Variants in CAND2 observed in about 807,000 individuals in gnomAD.
The protein encoded by CAND2 is cullin-associated NEDD8-dissociated protein 2.
A neutral mutation model predicts 98.9 loss-of-function variants in CAND2; 62 were observed. The observed-to-expected ratio is 0.63, with a 90% CI of 0.51 to 0.77. The LOEUF is 0.77. CAND2 is among the 30% of genes least tolerant of loss of function. CAND2 has a pLI of 0.00. For missense variants in CAND2, 1,501 were observed against 1,655.2 expected, an observed-to-expected ratio of 0.91 and a Z score of 1.62; for synonymous variants, 770 against 731.9, an observed-to-expected ratio of 1.05 and a Z score of -0.84.
At position 12,807,276 on chromosome 3, in the gene CAND2, C is replaced by A. The variant is rs1281176774; in HGVS notation, c.213-30C>A. ...CCTGACTCAGGCTGAACCTTGTGCCCTTGGATTCACCTTCCCACTCCCTGC... is the reference window on the plus strand; with the variant it reads ...CCTGACTCAGGCTGAACCTTGTGCCATTGGATTCACCTTCCCACTCCCTGC... On this transcript the variant is annotated intron_variant, in intron 2 of 14. Coordinates refer to ENST00000456430, the MANE Select transcript of CAND2 (RefSeq NM_001162499.2). 1.9e-6 allele frequency: 3 copies of A among 1,546,140 alleles called. No individual in the cohort carries two copies. The Admixed American group carries it at 5.9e-5, about 30-fold the overall frequency.
intron 2 of CAND2, 127 bp from the exon 3 acceptor site, chr3:12,807,179 C>A: frequency 1.3e-6 from 1 of 798,102 alleles, no homozygotes; most frequent in Non-Finnish European, 1.9e-6. Flanking sequence ...CAAACAGGGG[C>A]TCCCCTGATG....
chr3:12,826,934 A>C (rs1024811891), intron 12 of CAND2, among the ~76,000 whole-genome samples: 9 of 149,648 alleles, frequency 6.0e-5, no homozygotes. Context: ...TGGTTCAAGC[A>C]ATTCTCCTGC....
intron 5 of CAND2, among the ~76,000 whole-genome samples, chr3:12,811,986 A>G (rs1387055177): frequency 1.3e-5 from 2 of 150,404 alleles, no homozygotes; most frequent in Non-Finnish European, 3.0e-5. Flanking sequence ...ATCTCTGCTC[A>G]CTGTAACCTC....
rs890223748 is a variant in CAND2 at position 12,815,573 on chromosome 3, G to A, written c.1299+140G>A. The A allele has an allele frequency of 1.2e-5, 11 of 945,694 alleles. 1 individual carries two copies. Among genetic ancestry groups the A allele is most frequent in the South Asian group, 5.2e-5 (3 of 57,664 alleles). 58.6% of individuals were successfully genotyped at this position (945,694 alleles called of 1,614,324 possible). ...GGAAGGGGTCCCTGGGGTGGGGGGC[G>A]GGAGCCAGCCAGGCTTCTGGAGTGT... On this transcript the variant is annotated intron_variant, in intron 8 of 14. Coordinates refer to ENST00000456430, the MANE Select transcript of CAND2 (RefSeq NM_001162499.2). This position sits in a 1 kb window ranked among gnomAD's most constrained non-coding sequence, Gnocchi z 5.7.
intron 11 of CAND2, among the ~76,000 whole-genome samples, chr3:12,822,565 C>G (rs1003750533): frequency 6.6e-6 from 1 of 152,154 alleles, no homozygotes; most frequent in Non-Finnish European, 1.5e-5. Context: ...TCCCAAAGTG[C>G]TGGGATTCCA....
chr3:12,820,576 G>T (rs1031653454), intron 11 of CAND2, among the ~76,000 whole-genome samples: 4 of 152,218 alleles, frequency 2.6e-5, no homozygotes, highest in African/African-American at 7.2e-5. Flanking sequence ...GCTTTTGCGG[G>T]CCCCAAAGTG....
At position 12,833,847 on chromosome 3, in the gene CAND2, C is replaced by G; in HGVS notation, c.3576C>G (p.Pro1192=). Residue 1192 remains proline, a synonymous_variant, in exon 15 of 15, where the codon CCC becomes CCG. Transcript: ENST00000456430. ...MRAVAALLTI[P]EVGKSPIMAD... ...CAGTGGCTGCCCTGCTGACCATCCC[C>G]GAGGTGGGGAAAAGCCCCATCATGG... The G allele has an allele frequency of 6.2e-7, 1 of 1,614,192 alleles. No homozygotes were observed. Among genetic ancestry groups the G allele is most frequent in the Non-Finnish European group, 8.5e-7 (1 of 1,180,028 alleles).
chr3:12,802,988 C>CT (rs34041335), intron 1 of CAND2, among the ~76,000 whole-genome samples: 60,247 of 127,376 alleles, frequency 0.47, 15,283 homozygotes, highest in Non-Finnish European at 0.59. Flanking sequence ...CCATTAAAAT[C>CT]TTTTTTTTTT....
chr3:12,825,488 T>C lies in CAND2; in HGVS notation c.3059T>C (p.Leu1020Pro). 2 of 1,557,708 alleles carry C rather than the reference T, an allele frequency of 1.3e-6. No homozygotes were observed. The highest frequency in any genetic ancestry group is 1.7e-6 in the Non-Finnish European group (2 of 1,149,894). ...KSFIGEFMES[L>P]QDPDLNVRRA... is the part of the protein sequence containing the mutation. ...CTGCCAGGAGAGTTCATGGAGAGCC[T>C]GCAGGACCCAGACCTGAACGTGCGC... is the stretch of plus-strand genomic sequence containing the variant. The change falls in exon 12 of 15, where the codon CTG (leucine) becomes CCG (proline). Residue 1020 changes from leucine to proline, a missense_variant. Around this residue, in one of 3 missense-constraint regions of CAND2, gnomAD observed 1,427 missense variants for 1,545.3 expected, o/e 0.92. Transcript: ENST00000456430.
intron 3 of CAND2, 81 bp from the exon 4 acceptor site, chr3:12,808,129 C>T (rs2061821541): frequency 1.3e-6 from 2 of 1,512,082 alleles, no homozygotes; most frequent in East Asian, 2.5e-5. Context: ...GGAACACAGC[C>T]AGAGCAGAGG....
In CAND2 at chr3:12,831,548, A is replaced by G; in HGVS notation, c.3459A>G (p.Pro1153=). 1 of 1,613,290 alleles carries G rather than the reference A, an allele frequency of 6.2e-7. No individual in the cohort carries two copies. The highest frequency in any genetic ancestry group is 1.3e-5 in the African/African-American group (1 of 75,012). Residue 1153 remains proline, a synonymous_variant, in exon 14 of 15, where the codon CCA becomes CCG. Coordinates refer to ENST00000456430, the MANE Select transcript of CAND2 (RefSeq NM_001162499.2). ...VLQRVDRLIE[P]LRATCTAKVK... is the part of the protein sequence containing the mutation. The stretch of plus-strand genomic sequence containing the variant: ...AGAGGGTGGACCGACTCATTGAGCC[A>G]CTAAGGGCCACCTGCACTGCCAAGG...
At chr3:12,832,810 T>C (rs1444521650) in intron 14 of CAND2, 1 of 152,198 alleles carries the variant, frequency 6.6e-6, no homozygotes, top group Non-Finnish European at 1.5e-5. Flanking sequence ...TACTCATACA[T>C]GTAGTAGAGT....
At chr3:12,823,168 G>T (rs555849485) in intron 11 of CAND2, among the ~76,000 whole-genome samples, 1 of 152,192 alleles carries the variant, frequency 6.6e-6, no homozygotes, top group Non-Finnish European at 1.5e-5. Flanking sequence ...TAATACTCGT[G>T]TGTAGTTTTT....
At position 12,827,531 on chromosome 3, in the gene CAND2, G is replaced by T; in HGVS notation, c.3302G>T (p.Cys1101Phe). Residue 1101 changes from cysteine to phenylalanine, a missense_variant, in exon 13 of 15, where the codon TGC becomes TTC. Physicochemically the swap from Cys to Phe is radical, Grantham distance 205. Around this residue, in one of 3 missense-constraint regions of CAND2, gnomAD observed 1,427 missense variants for 1,545.3 expected, o/e 0.92. Coordinates refer to ENST00000456430, the MANE Select transcript of CAND2 (RefSeq NM_001162499.2). Reference sequence around the variant, plus strand: ...TGCATGTATTCACTGCTTGAGAGCTGCCTGGGCCAGCTGGATATCTGTGAG... The same window carrying T: ...TGCATGTATTCACTGCTTGAGAGCTTCCTGGGCCAGCTGGATATCTGTGAG... Reference protein sequence around the residue: ...FECMYSLLESCLGQLDICEFL... With the variant: ...FECMYSLLESFLGQLDICEFL... 1 of 1,614,102 alleles carries T rather than the reference G, an allele frequency of 6.2e-7. No individual in the cohort carries two copies. The highest frequency in any genetic ancestry group is 8.5e-7 in the Non-Finnish European group (1 of 1,180,006).
chr3:12,820,762 C>T (rs1336192355), intron 11 of CAND2, among the ~76,000 whole-genome samples: 2 of 152,212 alleles, frequency 1.3e-5, no homozygotes, highest in Admixed American at 1.3e-4. Context: ...GCCCTCGCCC[C>T]TTCAGAGCTT....
At chr3:12,801,508 C>T (rs1036856727) in intron 1 of CAND2, among the ~76,000 whole-genome samples, 1 of 152,242 alleles carries the variant, frequency 6.6e-6, no homozygotes, top group African/African-American at 2.4e-5. Context: ...CACCATTCCT[C>T]GACTTGGAAA....
rs2061728128 is a variant in CAND2 at position 12,796,719 on chromosome 3, C to G, written c.-2C>G. The G allele has an allele frequency of 5.7e-6, 9 of 1,579,648 alleles. No individual in the cohort carries two copies. The East Asian group carries it at 1.2e-4, about 20-fold the overall frequency. On this transcript the variant is annotated 5_prime_UTR_variant, in exon 1 of 15. Coordinates refer to ENST00000456430, the MANE Select transcript of CAND2 (RefSeq NM_001162499.2). Reference sequence around the variant, plus strand: ...CGGCCGGCTCCGCGGCGCGCAGCCACCATGAGCACCGCCGCCTTCCACATC... The same window carrying G: ...CGGCCGGCTCCGCGGCGCGCAGCCAGCATGAGCACCGCCGCCTTCCACATC...
chr3:12,816,404 G>A lies in CAND2; in HGVS notation c.1472G>A (p.Ser491Asn), dbSNP rs1483341458. 1 of 1,613,250 alleles carries A rather than the reference G, an allele frequency of 6.2e-7. No homozygotes were observed. Among genetic ancestry groups the A allele is most frequent in the Non-Finnish European group, 8.5e-7 (1 of 1,179,828 alleles). The stretch of plus-strand genomic sequence containing the variant: ...ATCTTCTCGCTGGCCGACCGCTCCA[G>A]CTCCTCCACCATCCGGATGGATGCC... ...GIIFSLADRS[S>N]SSTIRMDALA... The change falls in exon 10 of 15, where the codon AGC (serine) becomes AAC (asparagine). Residue 491 changes from serine to asparagine, a missense_variant. Around this residue, in one of 3 missense-constraint regions of CAND2, gnomAD observed 1,427 missense variants for 1,545.3 expected, o/e 0.92. Transcript: ENST00000456430.
rs1489893374 is a variant in CAND2 at position 12,834,681 on chromosome 3, G to C, written c.*699G>C. On this transcript the variant is annotated 3_prime_UTR_variant, in exon 15 of 15. Transcript: ENST00000456430. ...CCACCCAGGCATAACCAGTTGGTTTGTTTCCTTCTGAGGAAGGTTTCAAAT... is the reference window on the plus strand; with the variant it reads ...CCACCCAGGCATAACCAGTTGGTTTCTTTCCTTCTGAGGAAGGTTTCAAAT... 2 of 152,344 alleles carry C rather than the reference G, an allele frequency of 1.3e-5. No individual in the cohort carries two copies. The highest frequency in any genetic ancestry group is 4.8e-5 in the African/African-American group (2 of 41,444). 9.4% of individuals were successfully genotyped at this position (152,344 alleles called of 1,614,324 possible).
Sources: allele counts gnomAD v4.1 joint callset (sites outside exome capture counted in the v4.1 genomes callset), GRCh38; gene constraint gnomAD v4.1.1; regional missense constraint gnomAD v4.1.1; non-coding constraint Gnocchi (gnomAD v3.1); transcripts MANE v1.5; gene names NCBI Gene and HGNC (gene_info 2026-07-23, HGNC 2026-07-21).